CCNF: variants seen among roughly 807,000 people sequenced by gnomAD.
The protein encoded by CCNF is cyclin-F.
CCNF carries 30 observed loss-of-function variants against 85.4 expected under a neutral mutation model. The ratio of observed to expected loss-of-function variants is 0.35; its 90% CI spans 0.26 to 0.48. The LOEUF is 0.48. CCNF is among the 20% of genes least tolerant of loss of function. CCNF has a pLI of 0.99. For missense variants in CCNF, 919 were observed against 1,010.4 expected (o/e 0.91, Z 1.23); for synonymous variants, 439 against 425.1 (o/e 1.03, Z -0.40).
Position 2,445,524 on chromosome 16 carries a change from C to A in CCNF, c.996C>A (p.His332Gln). The change falls in exon 10 of 17, where the codon CAC becomes CAA. Residue 332 changes from histidine to glutamine, a missense_variant. By Grantham distance (24) the His-to-Gln change is conservative (BLOSUM62 0). Coordinates refer to ENST00000397066, the MANE Select transcript of CCNF (RefSeq NM_001761.3). ...TMKDFTSLCL[H>Q]LTVECVDRYL... ...AGGACTTCACAAGCCTGTGCCTGCA[C>A]CTGACCGTGGAGTGTGTGGACCGGT... 6.2e-7 allele frequency: 1 copy of A among 1,614,160 alleles called. No homozygotes were observed. Among genetic ancestry groups the A allele is most frequent in the Non-Finnish European group, 8.5e-7 (1 of 1,180,026 alleles).
rs528792259 is a variant in CCNF, at chr16:2,429,458, G to C, written c.-24G>C. ...GCGGGCGCGCTCTCAGGCGGGCTCCGGCGGCAGCGACGCGAGCGCGGCGAT... is the reference window on the plus strand; with the variant it reads ...GCGGGCGCGCTCTCAGGCGGGCTCCCGCGGCAGCGACGCGAGCGCGGCGAT... On this transcript the variant is annotated 5_prime_UTR_variant, in exon 1 of 17. Coordinates refer to ENST00000397066, the MANE Select transcript of CCNF (RefSeq NM_001761.3). The C allele has an allele frequency of 2.5e-6, 3 of 1,222,322 alleles. No homozygotes were observed. The highest frequency in any genetic ancestry group is 3.1e-4 in the Middle Eastern group (1 of 3,212). 75.7% of individuals were successfully genotyped at this position (1,222,322 alleles called of 1,614,324 possible). A position where few individuals can be genotyped will look rare whatever the true frequency, so the allele number is the denominator to read the frequency against.
intron 13 of CCNF, among the ~76,000 whole-genome samples, chr16:2,450,656 G>A (rs1344481808): frequency 3.3e-5 from 5 of 152,332 alleles, no homozygotes; most frequent in East Asian, 3.9e-4. Flanking sequence ...TAACTTGTGC[G>A]TGTTGTCAAG....
At chr16:2,448,651 GTCC>G (rs572023503) in intron 10 of CCNF, among the ~76,000 whole-genome samples, 42 of 152,260 alleles carry the variant, frequency 2.8e-4, no homozygotes, top group Middle Eastern at 3.4e-3. Context: ...TGGCTGAGCT[GTCC>G]TCCTGCCTGG....
intron 8 of CCNF, among the ~76,000 whole-genome samples, chr16:2,442,797 C>T (rs1359149496): frequency 8.8e-5 from 1 of 11,376 alleles, no homozygotes; most frequent in Non-Finnish European, 1.3e-4. Context: ...ATATTATATT[C>T]TATAATATAT....
intron 10 of CCNF, 122 bp from the exon 11 acceptor site, chr16:2,448,733 C>T (rs2065375307): frequency 3.5e-6 from 3 of 854,970 alleles, no homozygotes; most frequent in African/African-American, 3.4e-5. Context: ...CTCTGTTTGT[C>T]ACCAAAGCCC....
At chr16:2,450,119 A>G (rs1325748736) in intron 13 of CCNF, among the ~76,000 whole-genome samples, 3 of 151,952 alleles carry the variant, frequency 2.0e-5, no homozygotes, top group Admixed American at 1.3e-4. Flanking sequence ...AGGCAGGAGA[A>G]TCGCTTGAAC....
At chr16:2,448,798 C>T in intron 10 of CCNF, 57 bp from the exon 11 acceptor site, 1 of 1,572,700 alleles carries the variant, frequency 6.4e-7, no homozygotes, top group Non-Finnish European at 8.7e-7. Context: ...GGTCCCTCCG[C>T]CCCACCCCTG....
intron 9 of CCNF, among the ~76,000 whole-genome samples, chr16:2,444,169 T>A (rs1263863849): frequency 6.6e-6 from 1 of 151,954 alleles, no homozygotes; most frequent in East Asian, 1.9e-4. Context: ...TCCGCCCGCT[T>A]TGGCCTCCCA....
At chr16:2,429,529 C>T (rs1299588743) in intron 1 of CCNF, 32 bp downstream of exon 1, 17 of 1,229,052 alleles carry the variant, frequency 1.4e-5, no homozygotes, top group African/African-American at 3.1e-5. Flanking sequence ...CTGGTTTCTG[C>T]CCCACACCCC....
Position 2,452,419 on chromosome 16 carries a change from G to A in CCNF, c.1488-791G>A, listed in dbSNP as rs761803003. On this transcript the variant is annotated intron_variant, in intron 13 of 16. Coordinates refer to ENST00000397066, the MANE Select transcript of CCNF (RefSeq NM_001761.3). This position sits in a 1 kb window ranked among gnomAD's most constrained non-coding sequence, Gnocchi z 4.1. ...CAGTAGAAGGGTTCGCATGGGTCTC[G>A]TCCCACCCACCTTTGCTTATGGGGA... Among the ~76,000 whole-genome samples the A allele has an allele frequency of 6.6e-5, 10 of 152,132 alleles. No homozygotes were observed. Among genetic ancestry groups the A allele is most frequent in the Non-Finnish European group, 4.4e-5 (3 of 68,008 alleles).
chr16:2,442,100 G>C (rs1348108355), intron 8 of CCNF, among the ~76,000 whole-genome samples: 2 of 145,066 alleles, frequency 1.4e-5, no homozygotes, highest in Non-Finnish European at 3.0e-5. Context: ...CCGCCTCCTG[G>C]GTTCATGCCA....
chr16:2,435,931 T>A, intron 4 of CCNF, 58 bp downstream of exon 4: 1 of 1,265,802 alleles, frequency 7.9e-7, no homozygotes, highest in Non-Finnish European at 1.2e-6. Context: ...CCTTTGGCCC[T>A]ATGAAGAAGT....
At position 2,457,361 on chromosome 16, in the gene CCNF, C is replaced by T. The variant is rs1021447946; in HGVS notation, c.*341C>T. ...GGTGTTCCCAGCCCCACCAGAGCCC[C>T]GTGCCGGGAGCTGACAGCTTTCACG... On this transcript the variant is annotated 3_prime_UTR_variant, in exon 17 of 17. Coordinates refer to ENST00000397066, the MANE Select transcript of CCNF (RefSeq NM_001761.3). 3.5e-5 allele frequency: 7 copies of T among 202,110 alleles called. No homozygotes were observed. Among genetic ancestry groups the T allele is most frequent in the Admixed American group, 1.1e-4 (2 of 18,644 alleles). 12.5% of individuals were successfully genotyped at this position (202,110 alleles called of 1,614,324 possible).
rs1567390946 is a variant in CCNF at position 2,453,465 on chromosome 16, A to T, written c.1643A>T (p.Asp548Val). ...TTAGGAGTGACACAAGACAGCCCCG[A>T]CCCCCCGACTTTCCTCAGCACAGGG... Reference protein sequence around the residue: ...AALGVTQDSPDPPTFLSTGEI... With the variant: ...AALGVTQDSPVPPTFLSTGEI... The change falls in exon 15 of 17, where the codon GAC becomes GTC. Residue 548 changes from aspartate (D) to valine (V), a missense_variant. Coordinates refer to ENST00000397066, the MANE Select transcript of CCNF (RefSeq NM_001761.3). The surrounding 1 kb of genome is among the most constrained non-coding windows in gnomAD (Gnocchi z 5.6). The T allele has an allele frequency of 6.2e-7, 1 of 1,612,102 alleles. No individual in the cohort carries two copies.
At chr16:2,439,210 A>T in intron 6 of CCNF, 143 bp from the exon 7 acceptor site, 1 of 607,290 alleles carries the variant, frequency 1.6e-6, no homozygotes, top group Non-Finnish European at 2.9e-6. Flanking sequence ...AGGCAGGAGA[A>T]TTGGTTGAAC....
chr16:2,430,810 G>C (rs1420196592), intron 1 of CCNF, among the ~76,000 whole-genome samples: 1 of 152,196 alleles, frequency 6.6e-6, no homozygotes, highest in Non-Finnish European at 1.5e-5. Context: ...AGCTTCGGCA[G>C]CTTTTTCCCC....
intron 1 of CCNF, 98 bp from the exon 2 acceptor site, chr16:2,431,032 T>A (rs1298802811): frequency 8.2e-7 from 1 of 1,218,970 alleles, no homozygotes; most frequent in South Asian, 1.2e-5. Context: ...CATTAGATCA[T>A]CTTCAGATGT....
intron 9 of CCNF, among the ~76,000 whole-genome samples, chr16:2,444,427 G>A (rs940046046): frequency 6.6e-6 from 1 of 150,462 alleles, no homozygotes; most frequent in African/African-American, 2.5e-5. Context: ...AGCCTCCTCA[G>A]GAGCTGGGAC....
Position 2,453,520 on chromosome 16 carries a change from G to T in CCNF, c.1698G>T (p.Ser566=), listed in dbSNP as rs751348046. The part of the protein sequence containing the change: ...GEIHAFLSSP[S]GRRTKRKREN... ...TCCACGCCTTCCTCAGCTCTCCCTC[G>T]GGGCGGAGAACCAAACGGTTAGTTA... The change falls in exon 15 of 17, where the codon TCG becomes TCT. Residue 566 remains serine (S), a synonymous_variant. Coordinates refer to ENST00000397066, the MANE Select transcript of CCNF (RefSeq NM_001761.3). The surrounding 1 kb of genome is among the most constrained non-coding windows in gnomAD (Gnocchi z 5.6). 1 of 1,614,004 alleles carries T rather than the reference G, an allele frequency of 6.2e-7. No homozygotes were observed. Among genetic ancestry groups the T allele is most frequent in the South Asian group, 1.1e-5 (1 of 91,082 alleles).
Sources: gnomAD v4.1 joint callset for allele counts (sites outside exome capture counted in the v4.1 genomes callset) on GRCh38, gnomAD v4.1.1 for gene constraint, Gnocchi (gnomAD v3.1) non-coding constraint, MANE v1.5 for transcripts, NCBI Gene and HGNC (gene_info 2026-07-23, HGNC 2026-07-21) for gene names.